MACROD2: variants seen among roughly 807,000 people sequenced by gnomAD.
MACROD2 encodes the protein mono-ADP ribosylhydrolase 2.
A neutral mutation model predicts 70.4 loss-of-function variants in MACROD2; 36 were observed. The ratio of observed to expected loss-of-function variants is 0.51; its 90% CI spans 0.39 to 0.68. The LOEUF (loss-of-function observed/expected upper bound fraction) is 0.68. Ranked by LOEUF, MACROD2 falls within the 30% of genes least tolerant of loss-of-function variation. MACROD2 has a pLI of 0.00. For missense variants in MACROD2, 496 were observed against 538.4 expected (o/e 0.92, Z 0.78); for synonymous variants, 172 against 178.8 (o/e 0.96, Z 0.30).
At chr20:14,373,253 T>C (rs2083342796) in intron 3 of MACROD2, among the ~76,000 whole-genome samples, 1 of 152,160 alleles carries the variant, frequency 6.6e-6, no homozygotes, top group Admixed American at 6.6e-5. Context: ...TTCCATGTGA[T>C]TATATATCTG....
intron 5 of MACROD2, among the ~76,000 whole-genome samples, chr20:14,806,314 C>T (rs923035358): frequency 3.9e-5 from 6 of 152,056 alleles, no homozygotes; most frequent in African/African-American, 1.4e-4. Context: ...CGACCAGAAG[C>T]AGGGTGGGGC....
At chr20:15,888,016 A>C (rs2064843627) in intron 10 of MACROD2, among the ~76,000 whole-genome samples, 1 of 152,102 alleles carries the variant, frequency 6.6e-6, no homozygotes, top group Admixed American at 6.5e-5. Flanking sequence ...TTGGTTGCCC[A>C]CAGTGGAATG....
At chr20:14,535,868 T>C (rs1019866285) in intron 4 of MACROD2, among the ~76,000 whole-genome samples, 7 of 152,178 alleles carry the variant, frequency 4.6e-5, no homozygotes, top group Non-Finnish European at 7.3e-5. Flanking sequence ...ATTTCACTAG[T>C]TCTTCAAGTA....
chr20:14,801,572 C>T (rs573198804), intron 5 of MACROD2, among the ~76,000 whole-genome samples: 4 of 152,034 alleles, frequency 2.6e-5, no homozygotes, highest in Non-Finnish European at 5.9e-5. Context: ...TATTGACCTT[C>T]TGCTAAGGCA....
intron 3 of MACROD2, among the ~76,000 whole-genome samples, chr20:14,261,579 G>C (rs796891057): frequency 2.0e-5 from 3 of 152,204 alleles, no homozygotes; most frequent in African/African-American, 7.2e-5. Context: ...AAAAAACATA[G>C]AATTGAAAAT....
At chr20:14,272,677 C>A (rs534881369) in intron 3 of MACROD2, among the ~76,000 whole-genome samples, 1 of 150,848 alleles carries the variant, frequency 6.6e-6, no homozygotes, top group East Asian at 1.9e-4. Flanking sequence ...ACTAAATGCT[C>A]CAATTAAAAG....
chr20:15,439,806 G>T (rs2046472970), intron 7 of MACROD2, among the ~76,000 whole-genome samples: 1 of 152,112 alleles, frequency 6.6e-6, no homozygotes, highest in Non-Finnish European at 1.5e-5. Flanking sequence ...CTTACACTCA[G>T]GATGAAAAGC....
chr20:15,513,587 T>A (rs2047528962), intron 8 of MACROD2, among the ~76,000 whole-genome samples: 1 of 152,220 alleles, frequency 6.6e-6, no homozygotes, highest in Non-Finnish European at 1.5e-5. Context: ...CGTGCACGTG[T>A]GTGAGACATT....
intron 8 of MACROD2, among the ~76,000 whole-genome samples, chr20:15,701,482 AT>A (rs1184950641): frequency 2.0e-5 from 3 of 152,154 alleles, no homozygotes; most frequent in African/African-American, 7.2e-5. Flanking sequence ...CTTCATTCAT[AT>A]TTCTATAACT....
intron 3 of MACROD2, among the ~76,000 whole-genome samples, chr20:14,228,564 G>T (rs1005487405): frequency 1.3e-5 from 2 of 151,950 alleles, no homozygotes; most frequent in Non-Finnish European, 2.9e-5. Context: ...GACCTAAATG[G>T]CTATCAATGA....
At chr20:15,376,929 C>T (rs546431225) in intron 6 of MACROD2, among the ~76,000 whole-genome samples, 42 of 152,236 alleles carry the variant, frequency 2.8e-4, no homozygotes, top group African/African-American at 9.6e-4. Context: ...CTCACTCTGT[C>T]GCCCAGGCTG....
rs201680465 is a variant in MACROD2 at position 14,202,101 on chromosome 20, G to C, written c.271+116373G>C. Among the ~76,000 whole-genome samples the C allele has an allele frequency of 1.8e-4, 28 of 151,848 alleles. No homozygotes were observed. In the East Asian group the frequency reaches 5.4e-3, roughly 29 times the overall value. ...ATCTTCTGGAATAATTCTTCTTTTC[G>C]TCATTTTACTACTAATTATTTGATA... On this transcript the variant is annotated intron_variant, in intron 3 of 17. Coordinates refer to ENST00000684519, the MANE Select transcript of MACROD2 (RefSeq NM_001351661.2).
Position 14,900,013 on chromosome 20 carries a change from C to T in MACROD2, c.418+215054C>T, listed in dbSNP as rs542496967. 2.0e-5 allele frequency among the ~76,000 whole-genome samples: 3 copies of T among 152,192 alleles called. No individual in the cohort carries two copies. In the South Asian group the frequency reaches 6.2e-4, roughly 32 times the overall value. The stretch of plus-strand genomic sequence containing the variant: ...AAAAATATTCCTGGTTGAATATTTT[C>T]ATTATGAAAGGCTGCTGTATTTTGT... On this transcript the variant is annotated intron_variant, in intron 5 of 17. Transcript: ENST00000684519.
At chr20:15,872,767 G>A (rs2064604054) in intron 9 of MACROD2, among the ~76,000 whole-genome samples, 2 of 152,022 alleles carry the variant, frequency 1.3e-5, no homozygotes, top group East Asian at 3.9e-4. Flanking sequence ...AAACAGATAA[G>A]CAAAAAGAAA....
At chr20:14,804,833 G>A (rs1376875707) in intron 5 of MACROD2, among the ~76,000 whole-genome samples, 2 of 151,936 alleles carry the variant, frequency 1.3e-5, no homozygotes, top group Non-Finnish European at 2.9e-5. Context: ...TAGAATGTAA[G>A]AGAAGAGATG....
intron 9 of MACROD2, among the ~76,000 whole-genome samples, chr20:15,874,774 A>G (rs971960490): frequency 1.3e-5 from 2 of 152,160 alleles, no homozygotes; most frequent in African/African-American, 4.8e-5. Flanking sequence ...AAAGATGTCT[A>G]CAATCTAAAC....
intron 8 of MACROD2, among the ~76,000 whole-genome samples, chr20:15,823,991 A>G (rs2063969457): frequency 6.6e-6 from 1 of 152,212 alleles, no homozygotes; most frequent in Non-Finnish European, 1.5e-5. Context: ...ACCAGACTGT[A>G]AAATGGTTGG....
At chr20:14,868,756 A>G (rs983940581) in intron 5 of MACROD2, among the ~76,000 whole-genome samples, 1 of 152,178 alleles carries the variant, frequency 6.6e-6, no homozygotes, top group Non-Finnish European at 1.5e-5. Flanking sequence ...TCCTCAACTC[A>G]ATAAAGTAAA....
At chr20:15,569,230 CTT>C (rs2048346505) in intron 8 of MACROD2, among the ~76,000 whole-genome samples, 1 of 152,034 alleles carries the variant, frequency 6.6e-6, no homozygotes, top group Non-Finnish European at 1.5e-5. Flanking sequence ...TTTTGTGAAT[CTT>C]TGTTTTCCTG....
Sources: allele counts gnomAD v4.1 joint callset (sites outside exome capture counted in the v4.1 genomes callset), GRCh38; gene constraint gnomAD v4.1.1; transcripts MANE v1.5; gene names NCBI Gene and HGNC (gene_info 2026-07-23, HGNC 2026-07-21).